LRRC4C: variants seen among roughly 807,000 people sequenced by gnomAD.
The protein encoded by LRRC4C is leucine-rich repeat-containing protein 4C.
LRRC4C carries 5 observed loss-of-function variants against 33.6 expected under a neutral mutation model. The ratio of observed to expected loss-of-function variants is 0.15; its 90% CI spans 0.08 to 0.31. LRRC4C has a LOEUF of 0.31. Ranked by LOEUF, LRRC4C falls within the 10% of genes least tolerant of loss-of-function variation. LRRC4C has a pLI of 1.00. For missense variants in LRRC4C, 560 were observed against 796.7 expected, an observed-to-expected ratio of 0.70 and a Z score of 3.58; for synonymous variants, 329 against 302.0, an observed-to-expected ratio of 1.09 and a Z score of -0.93.
At chr11:41,183,517 C>G (rs1945548435) in intron 1 of LRRC4C, among the ~76,000 whole-genome samples, 1 of 152,148 alleles carries the variant, frequency 6.6e-6, no homozygotes, top group South Asian at 2.1e-4. Flanking sequence ...GACTCCATGT[C>G]TCACACCCAG....
At chr11:40,385,906 T>TA (rs1565337903) in intron 3 of LRRC4C, among the ~76,000 whole-genome samples, 1 of 123,478 alleles carries the variant, frequency 8.1e-6, no homozygotes, top group African/African-American at 2.7e-5. Flanking sequence ...TAAAATAAAA[T>TA]AAAAAAATAA....
At chr11:40,821,181 C>A (rs1951912962) in intron 2 of LRRC4C, among the ~76,000 whole-genome samples, 1 of 151,604 alleles carries the variant, frequency 6.6e-6, no homozygotes, top group Non-Finnish European at 1.5e-5. Flanking sequence ...ATTTCATGTT[C>A]ATGGATTGAA....
chr11:40,559,178 C>T (rs72886908), intron 3 of LRRC4C, among the ~76,000 whole-genome samples: 5,810 of 136,400 alleles, frequency 0.043, 168 homozygotes, highest in African/African-American at 0.075. Flanking sequence ...CGCTTGCATG[C>T]GTCTTTTTTT....
intron 1 of LRRC4C, among the ~76,000 whole-genome samples, chr11:41,074,315 TAA>T (rs956104689): frequency 3.3e-5 from 5 of 152,150 alleles, no homozygotes; most frequent in Non-Finnish European, 5.9e-5. Flanking sequence ...GAAGAAAATA[TAA>T]AGAGAGATCT....
At chr11:40,787,999 G>A (rs754274686) in intron 2 of LRRC4C, among the ~76,000 whole-genome samples, 1 of 152,142 alleles carries the variant, frequency 6.6e-6, no homozygotes, top group Admixed American at 6.5e-5. Flanking sequence ...ACACCGCACT[G>A]TTACCTATGT....
intron 1 of LRRC4C, among the ~76,000 whole-genome samples, chr11:41,047,192 AT>A (rs1857833637): frequency 6.6e-6 from 1 of 152,122 alleles, no homozygotes; most frequent in African/African-American, 2.4e-5. Flanking sequence ...ATATAACATA[AT>A]TAAAAATTCG....
intron 1 of LRRC4C, among the ~76,000 whole-genome samples, chr11:41,423,395 A>T (rs1954936635): frequency 6.6e-6 from 1 of 152,090 alleles, no homozygotes; most frequent in Non-Finnish European, 1.5e-5. Flanking sequence ...TTGATCCTTA[A>T]CCTTTTCCTT....
chr11:40,579,187 ATTAGCCTGGATGAT>A (rs1189131112), intron 3 of LRRC4C, among the ~76,000 whole-genome samples: 4 of 152,152 alleles, frequency 2.6e-5, no homozygotes, highest in Non-Finnish European at 4.4e-5. Context: ...AAATACAAAA[ATTAGCCTGGATGAT>A]GGCATGTGCC....
At chr11:41,352,825 G>C (rs1952027869) in intron 1 of LRRC4C, among the ~76,000 whole-genome samples, 1 of 151,914 alleles carries the variant, frequency 6.6e-6, no homozygotes. Flanking sequence ...TTAAACTAAT[G>C]AAAATAAAAA....
At chr11:41,039,152 G>A (rs1857268186) in intron 1 of LRRC4C, among the ~76,000 whole-genome samples, 1 of 151,984 alleles carries the variant, frequency 6.6e-6, no homozygotes, top group Admixed American at 6.6e-5. Flanking sequence ...CATATGGCTG[G>A]GCAGTTATGG....
chr11:41,370,538 C>A (rs1402428966), intron 1 of LRRC4C, among the ~76,000 whole-genome samples: 1 of 152,060 alleles, frequency 6.6e-6, no homozygotes, highest in East Asian at 1.9e-4. Context: ...GCTTTTGTTT[C>A]TTCCTCATTT....
At chr11:40,499,343 G>T (rs1195966473) in intron 3 of LRRC4C, among the ~76,000 whole-genome samples, 1 of 152,130 alleles carries the variant, frequency 6.6e-6, no homozygotes, top group Non-Finnish European at 1.5e-5. Context: ...AAATGTATCT[G>T]CATATCCAAG....
chr11:41,051,092 A>G lies in LRRC4C; in HGVS notation c.-495-117369T>C, dbSNP rs1474312300. On this transcript the variant is annotated intron_variant, in intron 1 of 6. Coordinates refer to ENST00000528697, the MANE Select transcript of LRRC4C (RefSeq NM_001258419.2). ...CTATTCATAACAAAAAAGATATCCAATCTCCTGCATGATATTATGGATTCT... is the reference window on the plus strand; with the variant it reads ...CTATTCATAACAAAAAAGATATCCAGTCTCCTGCATGATATTATGGATTCT... 2.0e-5 allele frequency among the ~76,000 whole-genome samples: 3 copies of G among 152,270 alleles called. No homozygotes were observed. The East Asian group carries it at 5.8e-4, about 29-fold the overall frequency.
chr11:40,591,833 A>G (rs1352765286), intron 3 of LRRC4C, among the ~76,000 whole-genome samples: 1 of 152,210 alleles, frequency 6.6e-6, no homozygotes, highest in African/African-American at 2.4e-5. Context: ...AGCTCAATGA[A>G]TCAGAAGCAT....
chr11:40,758,841 C>T (rs1949066296), intron 2 of LRRC4C, among the ~76,000 whole-genome samples: 2 of 151,846 alleles, frequency 1.3e-5, no homozygotes, highest in South Asian at 2.1e-4. Context: ...ATCAAATTCC[C>T]TTTGTCTGAC....
chr11:41,248,770 G>A (rs191505536), intron 1 of LRRC4C, among the ~76,000 whole-genome samples: 1 of 151,948 alleles, frequency 6.6e-6, no homozygotes, highest in Non-Finnish European at 1.5e-5. Flanking sequence ...AACTGTAATT[G>A]AAAGTTAATA....
At chr11:40,336,454 G>A (rs58352645) in intron 3 of LRRC4C, among the ~76,000 whole-genome samples, 2 of 152,264 alleles carry the variant, frequency 1.3e-5, no homozygotes, top group African/African-American at 2.4e-5. Context: ...ACAGAAGTCA[G>A]TCTTTATTCC....
At chr11:40,783,797 T>G (rs191994455) in intron 2 of LRRC4C, among the ~76,000 whole-genome samples, 43 of 152,264 alleles carry the variant, frequency 2.8e-4, no homozygotes, top group Admixed American at 2.5e-3. Flanking sequence ...AAAATGTATT[T>G]GAGTAATTTT....
chr11:40,816,815 T>C (rs1400821505), intron 2 of LRRC4C, among the ~76,000 whole-genome samples: 1 of 152,120 alleles, frequency 6.6e-6, no homozygotes, highest in Non-Finnish European at 1.5e-5. Context: ...CTATAGGGTA[T>C]TTTGATGTTT....
Sources: gnomAD v4.1 joint callset for allele counts (sites outside exome capture counted in the v4.1 genomes callset) on GRCh38, gnomAD v4.1.1 for gene constraint, MANE v1.5 for transcripts, NCBI Gene and HGNC (gene_info 2026-07-23, HGNC 2026-07-21) for gene names.